Variants in NT5DC3 observed in about 807,000 individuals in gnomAD.
The protein encoded by NT5DC3 is 5'-nucleotidase domain-containing protein 3.
Under a neutral mutation model 67.8 loss-of-function variants are expected in NT5DC3, and 42 were observed. That is an observed-to-expected ratio of 0.62 (90% CI 0.48 to 0.80). The LOEUF is 0.80. Ranked by LOEUF, NT5DC3 falls within the 30% of genes least tolerant of loss-of-function variation. The probability of loss-of-function intolerance (pLI) is 0.00; values close to 1 mark genes in which losing one functional copy is unlikely to be tolerated. For synonymous variants in NT5DC3, 237 were observed against 255.6 expected (o/e 0.93, Z 0.69); for missense variants, 570 against 696.4 (o/e 0.82, Z 2.04).
intron 1 of NT5DC3, chr12:103,819,757 TTG>T (rs1175168812): frequency 6.6e-6 from 1 of 152,272 alleles, no homozygotes; most frequent in East Asian, 1.9e-4. Flanking sequence ...TTCTGGTTTT[TTG>T]TGTTTTTTAT....
At chr12:103,837,721 A>C (rs534632637) in intron 1 of NT5DC3, among the ~76,000 whole-genome samples, 43 of 152,358 alleles carry the variant, frequency 2.8e-4, no homozygotes, top group Non-Finnish European at 5.9e-4. Context: ...TACATCTGAG[A>C]CTACTTCAGC....
the NT5DC3 span, chr12:103,753,294 G>A: frequency 1.9e-6 from 3 of 1,614,214 alleles, no homozygotes; most frequent in South Asian, 3.3e-5. Context: ...AGCCAGAGAG[G>A]CCTGTGCCAA....
intron 12 of NT5DC3, among the ~76,000 whole-genome samples, chr12:103,783,213 G>A (rs1323090356): frequency 1.3e-5 from 2 of 152,176 alleles, no homozygotes; most frequent in African/African-American, 2.4e-5. Context: ...CAGTGAGATA[G>A]GACACTGATT....
chr12:103,834,799 C>T lies in NT5DC3; in HGVS notation c.208+6150G>A, dbSNP rs7311741. Among the ~76,000 whole-genome samples the T allele has an allele frequency of 4.5e-3, 686 of 152,222 alleles. 10 individuals are homozygous for T. Among genetic ancestry groups the T allele is most frequent in the African/African-American group, 0.015 (633 of 41,532 alleles). ...CCTGTGCAGGCTTCACTCTGGGAGC[C>T]TTTTAAAGGGAAGACACCTGAACAG... is the stretch of plus-strand genomic sequence containing the variant. On this transcript the variant is annotated intron_variant, in intron 1 of 13. Transcript: ENST00000392876.
intron 1 of NT5DC3, among the ~76,000 whole-genome samples, chr12:103,827,739 A>T (rs1887754050): frequency 6.6e-6 from 1 of 152,230 alleles, no homozygotes; most frequent in Non-Finnish European, 1.5e-5. Context: ...AGCTTGATCA[A>T]TCAGCTAGCC....
At chr12:103,769,872 T>C (rs1271156270), downstream of NT5DC3, among the ~76,000 whole-genome samples, 1 of 152,254 alleles carries the variant, frequency 6.6e-6, no homozygotes, top group Non-Finnish European at 1.5e-5. Context: ...AGAAAAGGCA[T>C]GTGAGAGGAG....
At chr12:103,834,144 C>G (rs186743265) in intron 1 of NT5DC3, among the ~76,000 whole-genome samples, 92 of 152,158 alleles carry the variant, frequency 6.0e-4, no homozygotes, top group Admixed American at 9.8e-4. Context: ...GCCAAACATC[C>G]CTTGGGGAAC....
the NT5DC3 span, chr12:103,755,241 C>T: frequency 6.3e-7 from 1 of 1,585,018 alleles, no homozygotes; most frequent in African/African-American, 1.3e-5. Context: ...AGACATTAAC[C>T]AAGTGATGCC....
chr12:103,757,081 T>C, the NT5DC3 span, among the ~76,000 whole-genome samples: 26 of 149,092 alleles, frequency 1.7e-4, no homozygotes, highest in African/African-American at 6.1e-4. Context: ...ATTATATATT[T>C]ATATATATTT....
chr12:103,768,541 G>A (rs1203294454), downstream of NT5DC3, among the ~76,000 whole-genome samples: 1 of 10,460 alleles, frequency 9.6e-5, no homozygotes, highest in Non-Finnish European at 2.0e-4. Flanking sequence ...GAGGGAGAGG[G>A]GGAGAGGGAG....
chr12:103,761,478 C>T, the NT5DC3 span: 1 of 1,384,468 alleles, frequency 7.2e-7, no homozygotes, highest in Non-Finnish European at 1.0e-6. Flanking sequence ...ACAGGCAAAC[C>T]ATTACCAGAA....
At position 103,837,200 on chromosome 12, in the gene NT5DC3, T is replaced by C. The variant is rs1309771953; in HGVS notation, c.208+3749A>G. ...CTGAAGCCACAGCCCAAGCTCTACA[T>C]TGGCCTCTTCCAGCCACAGCTGGAG... is the stretch of plus-strand genomic sequence containing the variant. On this transcript the variant is annotated intron_variant, in intron 1 of 13. Coordinates refer to ENST00000392876, the MANE Select transcript of NT5DC3 (RefSeq NM_001031701.3). Among the ~76,000 whole-genome samples the C allele has an allele frequency of 3.3e-5, 5 of 152,344 alleles. 1 individual carries two copies. The South Asian group carries it at 6.2e-4, about 19-fold the overall frequency.
intron 4 of NT5DC3, among the ~76,000 whole-genome samples, chr12:103,805,144 TGAATGAGATGAGAG>T (rs1182368354): frequency 6.6e-6 from 1 of 151,610 alleles, no homozygotes; most frequent in African/African-American, 2.4e-5. Flanking sequence ...AACTGAGATC[TGAATGAGATGAGAG>T]GAATGAGACT....
At chr12:103,804,368 A>C (rs1469600228) in intron 4 of NT5DC3, among the ~76,000 whole-genome samples, 2 of 152,158 alleles carry the variant, frequency 1.3e-5, no homozygotes, top group African/African-American at 2.4e-5. Flanking sequence ...CTGATTCCCC[A>C]CCACAAGCTG....
the NT5DC3 span, chr12:103,761,513 C>T: frequency 1.3e-5 from 14 of 1,072,638 alleles, no homozygotes; most frequent in South Asian, 1.4e-4. Flanking sequence ...CCTCTTCCTC[C>T]AGAGACTGGA....
chr12:103,787,650 A>G, intron 10 of NT5DC3, 123 bp from the exon 11 acceptor site: 1 of 517,446 alleles, frequency 1.9e-6, no homozygotes, highest in Non-Finnish European at 3.4e-6. Flanking sequence ...TCAAAATATA[A>G]AGATAAAAGC....
chr12:103,765,173 C>G, the NT5DC3 span, among the ~76,000 whole-genome samples: 1 of 151,512 alleles, frequency 6.6e-6, no homozygotes, highest in African/African-American at 2.4e-5. Context: ...CTGAAATCAC[C>G]TTCATTTAAA....
At chr12:103,795,390 A>C (rs531995948) in intron 6 of NT5DC3, among the ~76,000 whole-genome samples, 1 of 152,356 alleles carries the variant, frequency 6.6e-6, no homozygotes, top group South Asian at 2.1e-4. Context: ...CAACACTTGC[A>C]GTAAAAACTG....
chr12:103,771,368 T>G (rs558010362), downstream of NT5DC3: 1 of 152,312 alleles, frequency 6.6e-6, no homozygotes, highest in East Asian at 1.9e-4. Flanking sequence ...TCACAAAAAT[T>G]TTTTGTGGTT....
Sources: allele counts gnomAD v4.1 joint callset (sites outside exome capture counted in the v4.1 genomes callset), GRCh38; gene constraint gnomAD v4.1.1; transcripts MANE v1.5; gene names NCBI Gene and HGNC (gene_info 2026-07-23, HGNC 2026-07-21).